EPHA10: variants seen among roughly 807,000 people sequenced by gnomAD.
EPHA10 encodes the protein ephrin type-A receptor 10.
EPHA10 carries 120 observed loss-of-function variants against 109.7 expected under a neutral mutation model. That is an observed-to-expected ratio of 1.09 (90% CI 0.94 to 1.27). EPHA10 has a LOEUF of 1.27. EPHA10 is among the 50% of genes most tolerant of loss of function. EPHA10 has a pLI of 0.00. For synonymous variants in EPHA10, 640 were observed against 618.9 expected (o/e 1.03, Z -0.51); for missense variants, 1,396 against 1,411.1 (o/e 0.99, Z 0.17).
chr1:37,764,612 G>T lies in EPHA10; in HGVS notation c.106+349C>A, dbSNP rs1025197714. ...CTCCCCATATTCCGAGCTCACCTCC[G>T]CATCTCCCTGTCTCCACTCTTCATC... On this transcript the variant is annotated intron_variant, in intron 1 of 16. Transcript: ENST00000373048. This position sits in a 1 kb window ranked among gnomAD's most constrained non-coding sequence, Gnocchi z 5.8. Among the ~76,000 whole-genome samples the T allele has an allele frequency of 2.0e-5, 3 of 151,924 alleles. No homozygotes were observed. The highest frequency in any genetic ancestry group is 4.8e-5 in the African/African-American group (2 of 41,344).
intron 3 of EPHA10, chr1:37,760,539 G>A: frequency 2.5e-6 from 2 of 801,802 alleles, no homozygotes; most frequent in Non-Finnish European, 3.1e-6. Flanking sequence ...AATCCCCCCT[G>A]CCAGCCTCTA....
Position 37,729,158 on chromosome 1 carries a change from T to A in EPHA10, c.1664-1948A>T, listed in dbSNP as rs559383200. Among the ~76,000 whole-genome samples, 41 of 152,180 alleles carry A rather than the reference T, an allele frequency of 2.7e-4. 1 individual carries two copies. The highest frequency in any genetic ancestry group is 9.6e-4 in the African/African-American group (40 of 41,512). On this transcript the variant is annotated intron_variant, in intron 7 of 16. Transcript: ENST00000373048. Reference sequence around the variant, plus strand: ...GAGGCCCATGGGACAAGGAACAGCATGCCTCAGCAGCAGCCAGCAAGACCC... The same window carrying A: ...GAGGCCCATGGGACAAGGAACAGCAAGCCTCAGCAGCAGCCAGCAAGACCC...
intron 7 of EPHA10, 79 bp downstream of exon 7, chr1:37,731,332 C>A: frequency 7.0e-7 from 1 of 1,421,764 alleles, no homozygotes; most frequent in South Asian, 1.6e-5. Context: ...TAACTCTCCC[C>A]CTCTATTTGT....
At position 37,754,942 on chromosome 1, in the gene EPHA10, T is replaced by A. The variant is rs567376523; in HGVS notation, c.851-572A>T. On this transcript the variant is annotated intron_variant, in intron 3 of 16. Transcript: ENST00000373048. The surrounding 1 kb of genome is among the most constrained non-coding windows in gnomAD (Gnocchi z 4.5). The stretch of plus-strand genomic sequence containing the variant: ...CCTCCTGAGTAGCTGGGATTACAAG[T>A]GTGCACCACCATGCCCAGTTACTTT... Among the ~76,000 whole-genome samples the A allele has an allele frequency of 6.6e-6, 1 of 152,014 alleles. No homozygotes were observed. Among genetic ancestry groups the A allele is most frequent in the Non-Finnish European group, 1.5e-5 (1 of 67,986 alleles).
intron 11 of EPHA10, among the ~76,000 whole-genome samples, chr1:37,721,349 T>A (rs1401800538): frequency 1.4e-5 from 2 of 145,904 alleles, no homozygotes; most frequent in Non-Finnish European, 3.0e-5. Flanking sequence ...AATGGCATGA[T>A]CCCAGGAGGC....
At position 37,717,964 on chromosome 1, in the gene EPHA10, G is replaced by C. The variant is rs1284708431; in HGVS notation, c.*408C>G. On this transcript the variant is annotated 3_prime_UTR_variant, in exon 17 of 17. Coordinates refer to ENST00000373048, the MANE Select transcript of EPHA10 (RefSeq NM_001099439.2). The stretch of plus-strand genomic sequence containing the variant: ...GACCCACGCTGTCTGACTGGTCAAT[G>C]GGTCTGTGGGAAAAGGGAACACCCC... 1.2e-5 allele frequency: 3 copies of C among 256,848 alleles called. No individual in the cohort carries two copies. The highest frequency in any genetic ancestry group is 2.3e-5 in the Non-Finnish European group (3 of 132,126). 15.9% of individuals were successfully genotyped at this position (256,848 alleles called of 1,614,324 possible). A position where few individuals can be genotyped will look rare whatever the true frequency, so the allele number is the denominator to read the frequency against.
intron 5 of EPHA10, among the ~76,000 whole-genome samples, chr1:37,746,225 C>T (rs1395279929): frequency 2.0e-5 from 3 of 152,062 alleles, no homozygotes; most frequent in East Asian, 1.9e-4. Context: ...CTCAGCCTCC[C>T]GAGTAGCTGG....
At position 37,720,071 on chromosome 1, in the gene EPHA10, G is replaced by A. The variant is rs776950931; in HGVS notation, c.2413-13C>T. 1.9e-6 allele frequency: 3 copies of A among 1,613,046 alleles called. No homozygotes were observed. Among genetic ancestry groups the A allele is most frequent in the Middle Eastern group, 1.7e-4 (1 of 5,770 alleles). ...GGCTCCGGCCACTCTGTAGGGGCAGGCAGGTCAGGGGCAAGGAGGAACTGG... is the reference window on the plus strand; with the variant it reads ...GGCTCCGGCCACTCTGTAGGGGCAGACAGGTCAGGGGCAAGGAGGAACTGG... On this transcript the variant is annotated splice_polypyrimidine_tract_variant and intron_variant, in intron 13 of 16. Coordinates refer to ENST00000373048, the MANE Select transcript of EPHA10 (RefSeq NM_001099439.2).
chr1:37,720,597 C>A, intron 12 of EPHA10, 43 bp from the exon 13 acceptor site: 3 of 1,576,202 alleles, frequency 1.9e-6, no homozygotes, highest in South Asian at 1.1e-5. Context: ...GCGCTTGGAT[C>A]CCCTGGTGTT....
chr1:37,761,619 G>T lies in EPHA10; in HGVS notation c.636C>A (p.Arg212=). ...ACGTGGCCAGGCCCCGCACGGTGGC[G>T]CGGCACTGCTTGTAGTAGACGCGCA... is the stretch of plus-strand genomic sequence containing the variant. The part of the protein sequence containing the change: ...VSVRVYYKQC[R]ATVRGLATFP... Residue 212 remains arginine, a synonymous_variant, in exon 3 of 17, where the codon CGC becomes CGA. Coordinates refer to ENST00000373048, the MANE Select transcript of EPHA10 (RefSeq NM_001099439.2). The T allele has an allele frequency of 6.2e-7, 1 of 1,603,898 alleles. No individual in the cohort carries two copies. The highest frequency in any genetic ancestry group is 8.5e-7 in the Non-Finnish European group (1 of 1,179,422).
At chr1:37,735,483 G>A in intron 5 of EPHA10, 93 bp from the exon 6 acceptor site, 1 of 1,455,826 alleles carries the variant, frequency 6.9e-7, no homozygotes, top group East Asian at 2.5e-5. Context: ...GGGGCTGTGG[G>A]ACCGGACTAG....
intron 5 of EPHA10, among the ~76,000 whole-genome samples, chr1:37,745,052 A>G (rs550280346): frequency 6.6e-6 from 1 of 152,214 alleles, no homozygotes; most frequent in Non-Finnish European, 1.5e-5. Context: ...GATTGCCAGG[A>G]AACATAAGAA....
intron 5 of EPHA10, among the ~76,000 whole-genome samples, chr1:37,741,849 C>G (rs1037336815): frequency 2.0e-5 from 3 of 152,054 alleles, no homozygotes; most frequent in Non-Finnish European, 4.4e-5. Context: ...GTGCTCTTCC[C>G]TATCCCCCGG....
chr1:37,720,218 G>A, intron 13 of EPHA10, 133 bp downstream of exon 13: 7 of 1,389,760 alleles, frequency 5.0e-6, no homozygotes, highest in Non-Finnish European at 6.8e-6. Context: ...TCAAGGTGGG[G>A]TTCACTCGCA....
chr1:37,754,187 C>T lies in EPHA10; in HGVS notation c.1006+28G>A. On this transcript the variant is annotated intron_variant, in intron 4 of 16. Transcript: ENST00000373048. The surrounding 1 kb of genome is among the most constrained non-coding windows in gnomAD (Gnocchi z 4.5). ...TTGGCCACTCCCACCCCCCACCCTC[C>T]GCAGTGCAGCCTGGAGGGGGGACTC... is the stretch of plus-strand genomic sequence containing the variant. 7.9e-7 allele frequency: 1 copy of T among 1,270,784 alleles called. No homozygotes were observed. Among genetic ancestry groups the T allele is most frequent in the East Asian group, 3.1e-5 (1 of 31,826 alleles). 78.7% of individuals were successfully genotyped at this position (1,270,784 alleles called of 1,614,324 possible).
chr1:37,743,402 G>C (rs1646184750), intron 5 of EPHA10, among the ~76,000 whole-genome samples: 1 of 152,168 alleles, frequency 6.6e-6, no homozygotes, highest in Non-Finnish European at 1.5e-5. Flanking sequence ...TGGAGAAACT[G>C]AGAAGGGCTG....
chr1:37,756,375 C>T (rs941899038), intron 3 of EPHA10, among the ~76,000 whole-genome samples: 1 of 152,178 alleles, frequency 6.6e-6, no homozygotes, highest in Admixed American at 6.5e-5. Flanking sequence ...GCTCCCTCCC[C>T]ACAAGTGTAT....
At chr1:37,738,966 A>G (rs1646111591) in intron 5 of EPHA10, among the ~76,000 whole-genome samples, 1 of 152,178 alleles carries the variant, frequency 6.6e-6, no homozygotes, top group Non-Finnish European at 1.5e-5. Flanking sequence ...TCACTTGGAC[A>G]CAGGGCAGGG....
At chr1:37,745,785 G>A (rs1646231599) in intron 5 of EPHA10, among the ~76,000 whole-genome samples, 1 of 152,172 alleles carries the variant, frequency 6.6e-6, no homozygotes, top group Non-Finnish European at 1.5e-5. Context: ...GGGAAGCGGA[G>A]GTTGCAGTGA....
Sources: gnomAD v4.1 joint callset for allele counts (sites outside exome capture counted in the v4.1 genomes callset) on GRCh38, gnomAD v4.1.1 for gene constraint, Gnocchi (gnomAD v3.1) non-coding constraint, MANE v1.5 for transcripts, NCBI Gene and HGNC (gene_info 2026-07-23, HGNC 2026-07-21) for gene names.